The following ERC1 variants were observed in gnomAD, a reference collection of about 807,000 sequenced individuals.
ERC1 encodes the protein ELKS/RAB6-interacting/CAST family member 1, also known as RAB6 interacting protein 2.
Under a neutral mutation model 132.0 loss-of-function variants are expected in ERC1, and 56 were observed. The observed-to-expected ratio is 0.42, with a 90% CI of 0.34 to 0.53. ERC1 has a LOEUF of 0.53. Among genes scored for constraint, ERC1 ranks in the 20% least tolerant of loss-of-function variants. The pLI, the probability that ERC1 is intolerant of heterozygous loss-of-function variation, is 0.03. For missense variants in ERC1, 1,202 were observed against 1,349.9 expected (o/e 0.89, Z 1.72); for synonymous variants, 478 against 476.1 (o/e 1.00, Z -0.05).
intron 16 of ERC1, among the ~76,000 whole-genome samples, chr12:1,405,898 AAAAAT>A (rs944404793): frequency 2.0e-5 from 3 of 152,204 alleles, no homozygotes; most frequent in Non-Finnish European, 2.9e-5. Context: ...AGTTTCTAAA[AAAAAT>A]ACATAAACTT....
At chr12:1,339,802 G>A (rs1034531751) in intron 15 of ERC1, among the ~76,000 whole-genome samples, 1 of 152,160 alleles carries the variant, frequency 6.6e-6, no homozygotes, top group African/African-American at 2.4e-5. Context: ...GGGAGGGTCT[G>A]CTGTCCTCTG....
intron 2 of ERC1, among the ~76,000 whole-genome samples, chr12:1,070,049 CAGTG>C (rs1231224854): frequency 6.6e-6 from 1 of 151,976 alleles, no homozygotes; most frequent in Admixed American, 6.6e-5. Flanking sequence ...AAATAAGCAA[CAGTG>C]AGAGAGAGAG....
intron 14 of ERC1, among the ~76,000 whole-genome samples, chr12:1,279,402 C>G (rs946073352): frequency 2.4e-4 from 36 of 152,194 alleles, no homozygotes; most frequent in African/African-American, 8.4e-4. Flanking sequence ...TAGTTTCTTC[C>G]TCTAGAAAAA....
At chr12:1,450,371 G>A (rs568462995) in intron 18 of ERC1, among the ~76,000 whole-genome samples, 1 of 152,276 alleles carries the variant, frequency 6.6e-6, no homozygotes, top group African/African-American at 2.4e-5. Context: ...TTTTACTCCT[G>A]TAAGGGTTTC....
intron 7 of ERC1, among the ~76,000 whole-genome samples, chr12:1,118,245 G>A (rs935352501): frequency 1.3e-5 from 2 of 152,202 alleles, no homozygotes; most frequent in African/African-American, 4.8e-5. Flanking sequence ...GAGGTGGCAG[G>A]TGTACAAACC....
At chr12:1,444,394 G>A (rs2093245187) in intron 17 of ERC1, 168 bp from the exon 18 acceptor site, 2 of 547,176 alleles carry the variant, frequency 3.7e-6, no homozygotes, top group African/African-American at 3.8e-5. Flanking sequence ...GTGACAGTAT[G>A]TGAAAATGTT....
chr12:1,236,992 T>A (rs1672932431), intron 13 of ERC1, 88 bp downstream of exon 13: 1 of 1,468,818 alleles, frequency 6.8e-7, no homozygotes, highest in Non-Finnish European at 9.3e-7. Flanking sequence ...TTTATCCTCC[T>A]CTTTTTTCTC....
intron 16 of ERC1, among the ~76,000 whole-genome samples, chr12:1,373,338 A>T (rs1241807597): frequency 5.3e-5 from 8 of 152,258 alleles, no homozygotes; most frequent in Admixed American, 5.2e-4. Context: ...TTAGGCTTGA[A>T]TACATAGGCC....
intron 15 of ERC1, among the ~76,000 whole-genome samples, chr12:1,355,570 G>A (rs1176509770): frequency 1.3e-5 from 2 of 152,232 alleles, no homozygotes; most frequent in Non-Finnish European, 2.9e-5. Context: ...GTCTCTTGCT[G>A]TACTTCTGTG....
intron 16 of ERC1, among the ~76,000 whole-genome samples, chr12:1,374,723 C>T (rs78939211): frequency 0.11 from 17,240 of 152,090 alleles, 2,425 homozygotes; most frequent in African/African-American, 0.33. Context: ...AATTTTACAA[C>T]CTCCGTATTG....
At chr12:1,438,249 G>T (rs922989480) in intron 17 of ERC1, among the ~76,000 whole-genome samples, 63 of 152,092 alleles carry the variant, frequency 4.1e-4, no homozygotes, top group Admixed American at 6.5e-4. Context: ...AGTTATTGAG[G>T]GTAAAGACTT....
chr12:1,453,057 T>G (rs893284347), intron 18 of ERC1, among the ~76,000 whole-genome samples: 3 of 152,196 alleles, frequency 2.0e-5, no homozygotes, highest in African/African-American at 7.2e-5. Flanking sequence ...CTCTCCATGC[T>G]CTTGTTCTTC....
chr12:1,206,731 T>G (rs561743764), intron 12 of ERC1, among the ~76,000 whole-genome samples: 9 of 152,166 alleles, frequency 5.9e-5, no homozygotes, highest in Non-Finnish European at 1.3e-4. Flanking sequence ...ATGAGAGCTA[T>G]AAATGTCATC....
intron 7 of ERC1, among the ~76,000 whole-genome samples, chr12:1,118,474 T>C (rs1302446898): frequency 6.6e-6 from 1 of 152,196 alleles, no homozygotes. Flanking sequence ...TTTTAGTTTT[T>C]AGCCATTGCA....
intron 17 of ERC1, among the ~76,000 whole-genome samples, chr12:1,426,954 T>C (rs1018383224): frequency 2.6e-5 from 4 of 152,138 alleles, no homozygotes; most frequent in African/African-American, 9.7e-5. Flanking sequence ...CTCCTTCTAG[T>C]GGCCCACTAG....
chr12:1,046,013 G>T (rs901059736), intron 2 of ERC1, among the ~76,000 whole-genome samples: 3 of 152,056 alleles, frequency 2.0e-5, no homozygotes, highest in African/African-American at 7.2e-5. Context: ...TTTTGATTAG[G>T]CAGGAAGCAG....
chr12:1,226,291 A>G (rs1430452365), intron 12 of ERC1, among the ~76,000 whole-genome samples: 5 of 152,222 alleles, frequency 3.3e-5, no homozygotes, highest in African/African-American at 1.2e-4. Flanking sequence ...TTATTGAGCT[A>G]TAAATTGATA....
intron 1 of ERC1, among the ~76,000 whole-genome samples, chr12:1,022,476 A>G (rs1966525700): frequency 6.6e-6 from 1 of 152,182 alleles, no homozygotes; most frequent in Admixed American, 6.5e-5. Context: ...TTCACAACCT[A>G]CTATTGGGTC....
In ERC1 at chr12:1,494,381, A is replaced by C. The variant is rs2094343732; in HGVS notation, c.*4151A>C. The C allele has an allele frequency of 4.3e-6, 1 of 231,896 alleles. No homozygotes were observed. The highest frequency in any genetic ancestry group is 2.2e-5 in the African/African-American group (1 of 45,282). 14.4% of individuals were successfully genotyped at this position (231,896 alleles called of 1,614,324 possible). A position where few individuals can be genotyped will look rare whatever the true frequency, so the allele number is the denominator to read the frequency against. ...GTTTCCCCCATGCAAATTAGGGAAG[A>C]ATTAGGCAAGAAAAGACATACATTA... On this transcript the variant is annotated 3_prime_UTR_variant, in exon 19 of 19. Coordinates refer to ENST00000360905, the MANE Select transcript of ERC1 (RefSeq NM_178040.4).
Sources: gnomAD v4.1 joint callset for allele counts (sites outside exome capture counted in the v4.1 genomes callset) on GRCh38, gnomAD v4.1.1 for gene constraint, MANE v1.5 for transcripts, NCBI Gene and HGNC (gene_info 2026-07-23, HGNC 2026-07-21) for gene names.